The following TENM4 variants were observed in gnomAD, a reference collection of about 807,000 sequenced individuals.
TENM4 encodes teneurin transmembrane protein 4.
Under a neutral mutation model 243.3 loss-of-function variants are expected in TENM4, and 82 were observed. The ratio of observed to expected loss-of-function variants is 0.34; its 90% CI spans 0.28 to 0.40. The LOEUF is 0.40. Ranked by LOEUF, TENM4 falls within the 10% of genes least tolerant of loss-of-function variation. The probability of loss-of-function intolerance (pLI) is 1.00; values close to 1 mark genes in which losing one functional copy is unlikely to be tolerated. For synonymous variants in TENM4, 1,412 were observed against 1,456.3 expected, an observed-to-expected ratio of 0.97 and a Z score of 0.69; for missense variants, 3,138 against 3,673.3, an observed-to-expected ratio of 0.85 and a Z score of 3.77.
At chr11:79,307,082 C>T (rs1368656101) in intron 1 of TENM4, among the ~76,000 whole-genome samples, 1 of 152,186 alleles carries the variant, frequency 6.6e-6, no homozygotes, top group Non-Finnish European at 1.5e-5. Flanking sequence ...TGATGACTTA[C>T]CATGTGCAAG....
At chr11:78,795,306 G>T (rs1190312121) in intron 15 of TENM4, among the ~76,000 whole-genome samples, 1 of 152,142 alleles carries the variant, frequency 6.6e-6, no homozygotes, top group Non-Finnish European at 1.5e-5. Context: ...GTCTTACACA[G>T]GAAACATGTC....
intron 25 of TENM4, among the ~76,000 whole-genome samples, chr11:78,719,691 G>A (rs896598622): frequency 6.6e-6 from 1 of 152,202 alleles, no homozygotes; most frequent in Non-Finnish European, 1.5e-5. Context: ...TGAGGTGACT[G>A]CTATCCAGGA....
At chr11:79,199,969 A>G (rs1863706417) in intron 3 of TENM4, among the ~76,000 whole-genome samples, 1 of 152,130 alleles carries the variant, frequency 6.6e-6, no homozygotes, top group South Asian at 2.1e-4. Context: ...CAGTGGCCTC[A>G]CCATACCAAC....
rs369276897 is a variant in TENM4, at chr11:79,165,131, G to C, written c.-162-16325C>G. On this transcript the variant is annotated intron_variant, in intron 3 of 33. Transcript: ENST00000278550. ...TGTACAAGTATCTTTTTCATATAAT[G>C]ACTTCTTTTTCTCTGGGTATCTACC... Among the ~76,000 whole-genome samples, 284 of 152,054 alleles carry C rather than the reference G, an allele frequency of 1.9e-3. 6 individuals carry two copies. The South Asian group carries it at 0.056, about 30-fold the overall frequency.
chr11:78,946,393 T>C (rs1857002644), intron 6 of TENM4, among the ~76,000 whole-genome samples: 1 of 152,248 alleles, frequency 6.6e-6, no homozygotes. Context: ...TGAGAGCTAC[T>C]GCTCAGAAGA....
intron 15 of TENM4, among the ~76,000 whole-genome samples, chr11:78,803,489 C>A (rs7928928): frequency 0.02 from 3,051 of 152,308 alleles, 44 homozygotes; most frequent in South Asian, 0.038. Flanking sequence ...GAACCCAGGT[C>A]TGTCTGACTC....
At chr11:78,791,791 G>A (rs1414834349) in intron 15 of TENM4, among the ~76,000 whole-genome samples, 1 of 152,218 alleles carries the variant, frequency 6.6e-6, no homozygotes, top group Non-Finnish European at 1.5e-5. Context: ...ACTAAACTTA[G>A]AAGACCAGAT....
chr11:79,055,036 A>G (rs570578400), intron 6 of TENM4, among the ~76,000 whole-genome samples: 1 of 151,592 alleles, frequency 6.6e-6, no homozygotes, highest in South Asian at 2.1e-4. Context: ...CTGAGGCAGG[A>G]GAATTGCTTG....
chr11:78,963,198 ATGT>A (rs1427651699), intron 6 of TENM4, among the ~76,000 whole-genome samples: 1 of 152,236 alleles, frequency 6.6e-6, no homozygotes, highest in Non-Finnish European at 1.5e-5. Context: ...GAGTTCCAAG[ATGT>A]TGTAAATCAG....
intron 15 of TENM4, among the ~76,000 whole-genome samples, chr11:78,801,930 T>C (rs570886813): frequency 6.6e-6 from 1 of 152,208 alleles, no homozygotes; most frequent in African/African-American, 2.4e-5. Flanking sequence ...AGAACTACTT[T>C]GCCCAAATTT....
At chr11:78,940,591 T>G (rs369988959) in intron 6 of TENM4, among the ~76,000 whole-genome samples, 159 of 152,346 alleles carry the variant, frequency 1.0e-3, no homozygotes, top group Non-Finnish European at 1.9e-3. Context: ...CAGTCTCTTC[T>G]TCCTCCCAGC....
At chr11:78,811,148 T>C (rs959326642) in intron 14 of TENM4, among the ~76,000 whole-genome samples, 11 of 152,212 alleles carry the variant, frequency 7.2e-5, no homozygotes, top group African/African-American at 2.7e-4. Flanking sequence ...TCCCATTTTA[T>C]AGACAAGGGA....
At chr11:79,270,809 A>G (rs1855955750) in intron 2 of TENM4, among the ~76,000 whole-genome samples, 1 of 152,312 alleles carries the variant, frequency 6.6e-6, no homozygotes, top group African/African-American at 2.4e-5. Flanking sequence ...TTTGCAGGGC[A>G]GTTACTCAAC....
At chr11:78,722,586 G>T in intron 24 of TENM4, 82 bp downstream of exon 24, 1 of 1,537,320 alleles carries the variant, frequency 6.5e-7, no homozygotes. Flanking sequence ...ACTTCCCTGG[G>T]CTCAGCAGGT....
chr11:78,934,032 A>T (rs1486847539), intron 6 of TENM4, among the ~76,000 whole-genome samples: 1 of 152,164 alleles, frequency 6.6e-6, no homozygotes, highest in African/African-American at 2.4e-5. Context: ...TAGGAATTTT[A>T]AAATACCCCT....
At chr11:79,174,506 G>A (rs509003) in intron 3 of TENM4, among the ~76,000 whole-genome samples, 4 of 151,716 alleles carry the variant, frequency 2.6e-5, no homozygotes, top group East Asian at 1.9e-4. Flanking sequence ...GTCTTTCATC[G>A]GCTCTTCCAG....
At chr11:79,155,175 C>T (rs144376813) in intron 3 of TENM4, among the ~76,000 whole-genome samples, 192 of 152,182 alleles carry the variant, frequency 1.3e-3, no homozygotes, top group African/African-American at 4.1e-3. Flanking sequence ...CAAACCCTAG[C>T]GGGACCCAGA....
intron 1 of TENM4, among the ~76,000 whole-genome samples, chr11:79,351,049 GCA>G (rs1857407401): frequency 6.6e-6 from 1 of 151,942 alleles, no homozygotes. Flanking sequence ...TTCTTCCTGT[GCA>G]CCAGTCATGG....
At chr11:78,762,009 G>C (rs1363220333) in intron 18 of TENM4, among the ~76,000 whole-genome samples, 2 of 152,148 alleles carry the variant, frequency 1.3e-5, no homozygotes, top group Non-Finnish European at 2.9e-5. Context: ...GGGCTCCCTT[G>C]TCTCCCTTTT....
Sources: gnomAD v4.1 joint callset for allele counts (sites outside exome capture counted in the v4.1 genomes callset) on GRCh38, gnomAD v4.1.1 for gene constraint, MANE v1.5 for transcripts, NCBI Gene and HGNC (gene_info 2026-07-23, HGNC 2026-07-21) for gene names.